Variants in TRRAP observed in about 807,000 individuals in gnomAD.
TRRAP encodes transformation/transcription domain-associated protein.
A neutral mutation model predicts 438.8 loss-of-function variants in TRRAP; 41 were observed. That is an observed-to-expected ratio of 0.09 (90% CI 0.07 to 0.12). The LOEUF (loss-of-function observed/expected upper bound fraction) is 0.12, where lower values mean the gene tolerates loss of function less well. Among genes scored for constraint, TRRAP ranks in the 10% least tolerant of loss-of-function variants. TRRAP has a pLI of 1.00. For synonymous variants in TRRAP, 1,994 were observed against 1,962.9 expected (o/e 1.02, Z -0.42); for missense variants, 3,122 against 5,055.1 (o/e 0.62, Z 11.60).
chr7:98,922,880 T>C (rs142345213), intron 21 of TRRAP, among the ~76,000 whole-genome samples: 65 of 152,270 alleles, frequency 4.3e-4, no homozygotes, highest in African/African-American at 1.5e-3. Context: ...GTGTTTACCT[T>C]TGTAGAAGAC....
intron 3 of TRRAP, among the ~76,000 whole-genome samples, chr7:98,889,697 C>T (rs1554404528): frequency 6.6e-6 from 1 of 151,980 alleles, no homozygotes; most frequent in African/African-American, 2.4e-5. Flanking sequence ...ACAGCATAGG[C>T]ACGTGCCACA....
rs1554418696 is a variant in TRRAP at position 98,953,286 on chromosome 7, C to T, written c.5583C>T (p.Arg1861=). The T allele has an allele frequency of 6.2e-7, 1 of 1,613,986 alleles. No homozygotes were observed. Residue 1861 remains arginine (R), a synonymous_variant, in exon 40 of 73, where the codon CGC becomes CGT. Coordinates refer to ENST00000456197, the MANE Select transcript of TRRAP (RefSeq NM_001375524.1). ...ACATCCATGACAACAACAAGAACCG[C>T]AACAGCAAGCTGCGCCGCCTCATGA... ...PHHIHDNNKN[R]NSKLRRLMTF...
rs543989910 is a variant in TRRAP, at chr7:98,959,632, T to C, written c.6489+142T>C. Reference sequence around the variant, plus strand: ...AATCTCCTGTCCCCTTTGCCAGTCATGGCCTCTCCCACATTGGCCTCCACT... The same window carrying C: ...AATCTCCTGTCCCCTTTGCCAGTCACGGCCTCTCCCACATTGGCCTCCACT... On this transcript the variant is annotated intron_variant, in intron 45 of 72. Coordinates refer to ENST00000456197, the MANE Select transcript of TRRAP (RefSeq NM_001375524.1). The C allele has an allele frequency of 1.4e-5, 18 of 1,245,612 alleles. No individual in the cohort carries two copies. The East Asian group carries it at 1.8e-4, about 12-fold the overall frequency. 77.2% of individuals were successfully genotyped at this position (1,245,612 alleles called of 1,614,324 possible). A position where few individuals can be genotyped will look rare whatever the true frequency, so the allele number is the denominator to read the frequency against.
At chr7:98,979,533 T>C (rs148250473) in intron 58 of TRRAP, among the ~76,000 whole-genome samples, 1 of 152,216 alleles carries the variant, frequency 6.6e-6, no homozygotes, top group African/African-American at 2.4e-5. Flanking sequence ...GTTGGTCAAA[T>C]CCACACATAT....
intron 27 of TRRAP, among the ~76,000 whole-genome samples, chr7:98,934,794 T>C (rs1344411090): frequency 6.6e-6 from 1 of 152,144 alleles, no homozygotes; most frequent in East Asian, 1.9e-4. Flanking sequence ...TGCCCTTATA[T>C]GTGAGGAGAG....
chr7:98,903,907 G>T (rs570903548), intron 12 of TRRAP, among the ~76,000 whole-genome samples: 1 of 151,872 alleles, frequency 6.6e-6, no homozygotes, highest in Non-Finnish European at 1.5e-5. Flanking sequence ...GATCTTAGCC[G>T]GGCACGGTTC....
intron 53 of TRRAP, among the ~76,000 whole-genome samples, chr7:98,975,732 G>T (rs1214533273): frequency 6.6e-6 from 1 of 152,174 alleles, no homozygotes; most frequent in Non-Finnish European, 1.5e-5. Context: ...AATACCTGTT[G>T]GCAAATAGTT....
Position 98,993,600 on chromosome 7 carries a change from C to T in TRRAP, c.9910C>T (p.Pro3304Ser). The change falls in exon 66 of 73, where the codon CCC becomes TCC. Residue 3304 changes from proline to serine, a missense_variant. Around this residue, in one of 24 missense-constraint regions of TRRAP, gnomAD observed 107 missense variants for 327.5 expected, o/e 0.33. Coordinates refer to ENST00000456197, the MANE Select transcript of TRRAP (RefSeq NM_001375524.1). ...NQSHSASDPG[P>S]IRATAPMWRC... is the part of the protein sequence containing the mutation. ...GTCCCATTCTGCATCAGATCCAGGG[C>T]CCATAAGAGCAACAGCACCCATGTG... 1 of 1,614,122 alleles carries T rather than the reference C, an allele frequency of 6.2e-7. No individual in the cohort carries two copies. The highest frequency in any genetic ancestry group is 8.5e-7 in the Non-Finnish European group (1 of 1,180,044).
intron 59 of TRRAP, 90 bp from the exon 60 acceptor site, chr7:98,983,174 A>C (rs1268390022): frequency 1.6e-6 from 2 of 1,242,354 alleles, no homozygotes; most frequent in African/African-American, 1.5e-5. Context: ...GATCTTTGCG[A>C]TAATCATGTC....
At chr7:98,990,868 T>G (rs931931668) in intron 64 of TRRAP, among the ~76,000 whole-genome samples, 1 of 152,234 alleles carries the variant, frequency 6.6e-6, no homozygotes, top group Non-Finnish European at 1.5e-5. Context: ...TCTTAAACAT[T>G]TTCCCATATA....
intron 23 of TRRAP, among the ~76,000 whole-genome samples, chr7:98,927,698 G>A (rs1790115836): frequency 6.6e-6 from 1 of 152,144 alleles, no homozygotes; most frequent in African/African-American, 2.4e-5. Context: ...CTGCCTGGCT[G>A]TGTTTTCCAA....
chr7:98,919,597 G>A (rs1789690021), intron 20 of TRRAP, among the ~76,000 whole-genome samples: 1 of 152,132 alleles, frequency 6.6e-6, no homozygotes, highest in African/African-American at 2.4e-5. Flanking sequence ...ACAAGACCCT[G>A]TTTCAAAAAA....
In TRRAP at chr7:98,903,462, C is replaced by T; in HGVS notation, c.981C>T (p.Leu327=). The change falls in exon 12 of 73, where the codon CTC becomes CTT. Residue 327 remains leucine (L), a synonymous_variant. Coordinates refer to ENST00000456197, the MANE Select transcript of TRRAP (RefSeq NM_001375524.1). ...LSNCPAETAH[L]RKELLIAAKH... ...ATTGTCCAGCAGAGACTGCACACCT[C>T]AGAAAGGAGCTTCTGATTGCTGCCA... 1 of 1,614,198 alleles carries T rather than the reference C, an allele frequency of 6.2e-7. No homozygotes were observed. The highest frequency in any genetic ancestry group is 2.2e-5 in the East Asian group (1 of 44,874).
chr7:98,890,636 C>T (rs782200370), intron 4 of TRRAP, among the ~76,000 whole-genome samples, 191 bp downstream of exon 4: 9 of 152,074 alleles, frequency 5.9e-5, no homozygotes, highest in Non-Finnish European at 1.2e-4. Flanking sequence ...GTCCCTTTTA[C>T]AATTTAAATT....
At chr7:98,905,838 G>T (rs1554407440) in intron 12 of TRRAP, among the ~76,000 whole-genome samples, 1 of 152,174 alleles carries the variant, frequency 6.6e-6, no homozygotes, top group African/African-American at 2.4e-5. Context: ...GGTTGGGAGG[G>T]TGGTGACAAT....
intron 53 of TRRAP, 170 bp from the exon 54 acceptor site, chr7:98,975,979 C>A: frequency 2.3e-6 from 2 of 884,912 alleles, no homozygotes; most frequent in Non-Finnish European, 1.6e-6. Flanking sequence ...TCCCACCACT[C>A]AGGATCTGTG....
intron 39 of TRRAP, among the ~76,000 whole-genome samples, chr7:98,951,422 C>T (rs1489418477): frequency 6.6e-6 from 1 of 152,210 alleles, no homozygotes; most frequent in African/African-American, 2.4e-5. Context: ...GCTGTGACTC[C>T]TCCTTTTCCA....
Position 98,899,544 on chromosome 7 carries a change from A to G in TRRAP, c.711+45A>G, listed in dbSNP as rs375484146. ...GTCTCTTGGGTTTTGGGCTTCTTAT[A>G]AGAAAATTGGCATCTGGGGCCAAAA... On this transcript the variant is annotated intron_variant, in intron 9 of 72. Coordinates refer to ENST00000456197, the MANE Select transcript of TRRAP (RefSeq NM_001375524.1). 8 of 1,610,308 alleles carry G rather than the reference A, an allele frequency of 5.0e-6. No individual in the cohort carries two copies. The South Asian group carries it at 8.8e-5, about 18-fold the overall frequency.
chr7:98,976,701 G>T lies in TRRAP; in HGVS notation c.8178G>T (p.Leu2726=). 1 of 1,614,120 alleles carries T rather than the reference G, an allele frequency of 6.2e-7. No homozygotes were observed. Among genetic ancestry groups the T allele is most frequent in the Non-Finnish European group, 8.5e-7 (1 of 1,180,040 alleles). ...AGCACCAGGCTTTTGAAAAGGGTCT[G>T]AGTCTTCAGATTAAGCCGAAGCAAA... is the stretch of plus-strand genomic sequence containing the variant. ...MLEHQAFEKG[L]SLQIKPKQTT... The change falls in exon 55 of 73, where the codon CTG becomes CTT. Residue 2726 remains leucine, a synonymous_variant. Transcript: ENST00000456197. The surrounding 1 kb of genome is among the most constrained non-coding windows in gnomAD (Gnocchi z 4.6).
Sources: allele counts gnomAD v4.1 joint callset (sites outside exome capture counted in the v4.1 genomes callset), GRCh38; gene constraint gnomAD v4.1.1; regional missense constraint gnomAD v4.1.1; non-coding constraint Gnocchi (gnomAD v3.1); transcripts MANE v1.5; gene names NCBI Gene and HGNC (gene_info 2026-07-23, HGNC 2026-07-21).